IDI1: variants seen among roughly 807,000 people sequenced by gnomAD.
The protein encoded by IDI1 is isopentenyl-diphosphate Delta-isomerase 1.
IDI1 carries 23 observed loss-of-function variants against 32.9 expected under a neutral mutation model. That is an observed-to-expected ratio of 0.70 (90% CI 0.50 to 0.99). The LOEUF is 0.99. Among genes scored for constraint, IDI1 ranks in the 50% least tolerant of loss-of-function variants. The probability of loss-of-function intolerance (pLI) is 0.00; values close to 1 mark genes in which losing one functional copy is unlikely to be tolerated. For synonymous variants in IDI1, 133 were observed against 128.2 expected (o/e 1.04, Z -0.25); for missense variants, 326 against 351.9 (o/e 0.93, Z 0.59).
At chr10:1,051,077 T>A (rs944852402), upstream of IDI1, among the ~76,000 whole-genome samples, 3 of 152,266 alleles carry the variant, frequency 2.0e-5, no homozygotes, top group African/African-American at 7.2e-5. Flanking sequence ...CTCATTATTT[T>A]TGACTGTACC....
intron 1 of IDI1, 144 bp from the exon 2 acceptor site, chr10:1,044,315 G>C: frequency 1.6e-6 from 1 of 608,140 alleles, no homozygotes; most frequent in South Asian, 2.1e-5. Flanking sequence ...GCTGCCAGCC[G>C]GCTGCTCAGC....
intron 1 of IDI1, chr10:1,048,414 C>T (rs904742207): frequency 7.7e-7 from 1 of 1,298,776 alleles, no homozygotes; most frequent in Non-Finnish European, 1.0e-6. Flanking sequence ...CAGGTGTATG[C>T]ACCCGCGTCA....
chr10:1,043,499 CT>C, intron 2 of IDI1, 106 bp from the exon 3 acceptor site: 2 of 765,610 alleles, frequency 2.6e-6, no homozygotes, highest in Non-Finnish European at 4.7e-6. Flanking sequence ...GCTGCTTTTG[CT>C]TTTTCCCATG....
chr10:1,049,114 A>T lies in IDI1; in HGVS notation c.-111T>A. 1 of 1,400,868 alleles carries T rather than the reference A, an allele frequency of 7.1e-7. No homozygotes were observed. Among genetic ancestry groups the T allele is most frequent in the Non-Finnish European group, 9.2e-7 (1 of 1,084,708 alleles). The allele number at this position is 1,400,868 out of a possible 1,614,324, so 86.8% of individuals were successfully genotyped here. ...AACGGCAGACGCGCGAAGCACCGGG[A>T]ACCTGAGCCGTGACCGCGGGCTCTG... is the stretch of plus-strand genomic sequence containing the variant. On this transcript the variant is annotated 5_prime_UTR_variant, in exon 1 of 5. Coordinates refer to ENST00000381344, the MANE Select transcript of IDI1 (RefSeq NM_004508.4).
chr10:1,055,594 A>G, the IDI1 span, among the ~76,000 whole-genome samples: 1 of 152,210 alleles, frequency 6.6e-6, no homozygotes, highest in South Asian at 2.1e-4. Flanking sequence ...CACAACCTCT[A>G]AAAGTTTAAA....
upstream of IDI1, among the ~76,000 whole-genome samples, chr10:1,050,130 C>G (rs1227173007): frequency 1.3e-5 from 2 of 152,126 alleles, no homozygotes; most frequent in Non-Finnish European, 2.9e-5. Context: ...CTGAGGACAC[C>G]TAAAAGCTTT....
In IDI1 at chr10:1,044,406, G is replaced by A. The variant is rs111844856; in HGVS notation, c.141-235C>T. ...CATGCTCCTGAAGGCCAAGCTCAACGTTCCGCTCTAAATTCTTGACCTCTG... is the reference window on the plus strand; with the variant it reads ...CATGCTCCTGAAGGCCAAGCTCAACATTCCGCTCTAAATTCTTGACCTCTG... On this transcript the variant is annotated intron_variant, in intron 1 of 4. Coordinates refer to ENST00000381344, the MANE Select transcript of IDI1 (RefSeq NM_004508.4). Among the ~76,000 whole-genome samples the A allele has an allele frequency of 3.0e-3, 460 of 152,230 alleles. 2 individuals are homozygous for A. Among genetic ancestry groups the A allele is most frequent in the African/African-American group, 0.01 (427 of 41,544 alleles).
chr10:1,048,403 G>A (rs1213146292), intron 1 of IDI1: 4 of 1,302,262 alleles, frequency 3.1e-6, no homozygotes, highest in Non-Finnish European at 4.0e-6. Flanking sequence ...TTGCACGGAC[G>A]CAGGTGTATG....
At chr10:1,049,220 A>G (rs1353866524), upstream of IDI1, 1 of 700,814 alleles carries the variant, frequency 1.4e-6, no homozygotes, top group Admixed American at 3.9e-5. Context: ...CCGAGACCAC[A>G]GACGCCGCCA....
intron 1 of IDI1, among the ~76,000 whole-genome samples, chr10:1,045,742 C>G (rs1463271168): frequency 6.6e-6 from 1 of 152,236 alleles, no homozygotes. Context: ...GTTGAGATTA[C>G]AGGAGTGAGC....
At chr10:1,049,463 T>TCTCCCC (rs1832924800), upstream of IDI1, 11 of 74,564 alleles carry the variant, frequency 1.5e-4, no homozygotes, top group African/African-American at 4.5e-4. Context: ...GGTTGGGCAC[T>TCTCCCC]CCCCCCCCTC....
Position 1,041,011 on chromosome 10 carries a change from A to G in IDI1, c.*176T>C. 2.0e-6 allele frequency: 1 copy of G among 508,154 alleles called. No homozygotes were observed. The highest frequency in any genetic ancestry group is 3.5e-6 in the Non-Finnish European group (1 of 288,622). 31.5% of individuals were successfully genotyped at this position (508,154 alleles called of 1,614,324 possible). A position where few individuals can be genotyped will look rare whatever the true frequency, so the allele number is the denominator to read the frequency against. On this transcript the variant is annotated 3_prime_UTR_variant, in exon 5 of 5. Coordinates refer to ENST00000381344, the MANE Select transcript of IDI1 (RefSeq NM_004508.4). The stretch of plus-strand genomic sequence containing the variant: ...CCAGGGTGTGTGATACAAAATTATA[A>G]GTTAGTTTTTTCCACACAAGTTTTA...
rs1832488454 is a variant in IDI1 at position 1,039,490 on chromosome 10, A to G, written c.*1697T>C. Reference sequence around the variant, plus strand: ...AAACAGTTTAAGAAAAAAAAAATTTATAGGTACCATTTAGCTTTCTAGTTG... The same window carrying G: ...AAACAGTTTAAGAAAAAAAAAATTTGTAGGTACCATTTAGCTTTCTAGTTG... On this transcript the variant is annotated 3_prime_UTR_variant, in exon 5 of 5. Coordinates refer to ENST00000381344, the MANE Select transcript of IDI1 (RefSeq NM_004508.4). The G allele has an allele frequency of 6.6e-6, 1 of 152,252 alleles. No individual in the cohort carries two copies. The highest frequency in any genetic ancestry group is 2.4e-5 in the African/African-American group (1 of 41,454). 9.4% of individuals were successfully genotyped at this position (152,252 alleles called of 1,614,324 possible).
chr10:1,045,714 G>C (rs750389568), intron 1 of IDI1, among the ~76,000 whole-genome samples: 1 of 152,242 alleles, frequency 6.6e-6, no homozygotes, highest in Admixed American at 6.5e-5. Flanking sequence ...AGATCTGCCT[G>C]CTTTGGCCTC....
chr10:1,050,160 C>T (rs760411956), upstream of IDI1, among the ~76,000 whole-genome samples: 5 of 152,184 alleles, frequency 3.3e-5, no homozygotes, highest in African/African-American at 4.8e-5. Flanking sequence ...TTGTTTACTA[C>T]TGCTATTTAC....
At chr10:1,055,869 C>T in the IDI1 span, among the ~76,000 whole-genome samples, 3 of 152,198 alleles carry the variant, frequency 2.0e-5, no homozygotes, top group East Asian at 3.9e-4. Context: ...AGTGCAGAGG[C>T]GCGATCTCGG....
At chr10:1,052,579 T>C (rs577712733), upstream of IDI1, among the ~76,000 whole-genome samples, 5 of 152,334 alleles carry the variant, frequency 3.3e-5, no homozygotes, top group South Asian at 1.0e-3. Flanking sequence ...AGCAGTAATA[T>C]TTTGAAACGA....
At chr10:1,048,833 T>G (rs549309190) in intron 1 of IDI1, 31 bp downstream of exon 1, 22 of 1,598,888 alleles carry the variant, frequency 1.4e-5, no homozygotes, top group African/African-American at 1.1e-4. Context: ...CCTGCCCCTG[T>G]CTCCCGAACT....
upstream of IDI1, among the ~76,000 whole-genome samples, chr10:1,053,012 A>AT (rs899594201): frequency 4.1e-4 from 60 of 147,524 alleles, 1 homozygote; most frequent in South Asian, 1.3e-3. Flanking sequence ...GCACTTGCAC[A>AT]TTTTTTTTTT....
Sources: gnomAD v4.1 joint callset for allele counts (sites outside exome capture counted in the v4.1 genomes callset) on GRCh38, gnomAD v4.1.1 for gene constraint, MANE v1.5 for transcripts, NCBI Gene and HGNC (gene_info 2026-07-23, HGNC 2026-07-21) for gene names.